ZNF862: variants seen among roughly 807,000 people sequenced by gnomAD.
The protein encoded by ZNF862 is zinc finger protein 862.
In ZNF862, 64 loss-of-function variants were observed where a neutral mutation model predicts 91.1. That is an observed-to-expected ratio of 0.70 (90% confidence interval 0.57 to 0.87). The LOEUF is 0.87. Ranked by LOEUF, ZNF862 falls within the 40% of genes least tolerant of loss-of-function variation. The pLI, the probability that ZNF862 is intolerant of heterozygous loss-of-function variation, is 0.00. For synonymous variants in ZNF862, 631 were observed against 618.1 expected (o/e 1.02, Z -0.31); for missense variants, 1,459 against 1,528.0 (o/e 0.95, Z 0.75).
chr7:149,847,594 T>TA, intron 3 of ZNF862, 141 bp from the exon 4 acceptor site: 1 of 598 alleles, frequency 1.7e-3, no homozygotes, highest in East Asian at 0.5. Context: ...AAAATTCAGG[T>TA]GTGTGTGTGT....
Position 149,861,906 on chromosome 7 carries a change from C to A in ZNF862, c.2746C>A (p.Arg916=), listed in dbSNP as rs753667364. ...GGACAAACTGGAGGTAGCGGAACAG[C>A]GGTTCCAGGCGGATAGGGAGAGGAC... The part of the protein sequence containing the change: ...CLDKLEVAEQ[R]FQADRERTVL... Residue 916 remains arginine (R), a synonymous_variant, in exon 7 of 8, where the codon CGG becomes AGG. Transcript: ENST00000223210. The surrounding 1 kb of genome is among the most constrained non-coding windows in gnomAD (Gnocchi z 6.7). 1 of 1,613,706 alleles carries A rather than the reference C, an allele frequency of 6.2e-7. No homozygotes were observed. Among genetic ancestry groups the A allele is most frequent in the South Asian group, 1.1e-5 (1 of 91,080 alleles).
chr7:149,859,923 C>T (rs1296012094), intron 6 of ZNF862: 1 of 248,336 alleles, frequency 4.0e-6, no homozygotes, highest in African/African-American at 2.3e-5. Flanking sequence ...CTATCTCAAT[C>T]AGTAATTTCT....
intron 2 of ZNF862, among the ~76,000 whole-genome samples, chr7:149,845,501 G>A (rs778333884): frequency 2.0e-4 from 30 of 152,128 alleles, no homozygotes; most frequent in Admixed American, 1.8e-3. Flanking sequence ...TTCCTGTGCC[G>A]GCTAAAAGAG....
At chr7:149,863,480 A>C (rs1802593391) in intron 7 of ZNF862, among the ~76,000 whole-genome samples, 1 of 152,192 alleles carries the variant, frequency 6.6e-6, no homozygotes, top group South Asian at 2.1e-4. Flanking sequence ...GGTGGCCCTG[A>C]AGCCACAGTA....
intron 1 of ZNF862, among the ~76,000 whole-genome samples, chr7:149,843,203 A>G (rs1334401089): frequency 1.3e-5 from 2 of 152,252 alleles, no homozygotes; most frequent in Middle Eastern, 3.2e-3. Context: ...GTGACCGGTA[A>G]GAATGATTGA....
chr7:149,861,457 AG>A lies in ZNF862; in HGVS notation c.2298del (p.Glu766AspfsTer16). 1 of 1,613,502 alleles carries A rather than the reference AG, an allele frequency of 6.2e-7. No homozygotes were observed. Among genetic ancestry groups the A allele is most frequent in the Non-Finnish European group, 8.5e-7 (1 of 1,179,890 alleles). ...CAGTCCTCAAACAAGAGGCTGAACG[AG>A]CTGCAGGAAGGTGCGGCGCCTCTGG... ...FYQSSNKRLN[E>X]LQEGAAPLEQ... On this transcript the variant is annotated frameshift_variant, in exon 7 of 8. Coordinates refer to ENST00000223210, the MANE Select transcript of ZNF862 (RefSeq NM_001099220.3). LOFTEE classifies it high-confidence loss of function. This position sits in a 1 kb window ranked among gnomAD's most constrained non-coding sequence, Gnocchi z 6.7.
chr7:149,848,559 CA>C (rs2128937477), intron 4 of ZNF862, 127 bp downstream of exon 4: 1 of 729,438 alleles, frequency 1.4e-6, no homozygotes, highest in African/African-American at 1.8e-5. Context: ...ATAATGTTGG[CA>C]TATACCAACA....
intron 7 of ZNF862, among the ~76,000 whole-genome samples, chr7:149,863,784 G>A (rs982372178): frequency 1.2e-4 from 19 of 152,320 alleles, no homozygotes; most frequent in Non-Finnish European, 2.8e-4. Flanking sequence ...TGTTCACTGT[G>A]GGAACTTGAG....
intron 3 of ZNF862, 63 bp downstream of exon 3, chr7:149,846,318 G>A: frequency 7.6e-7 from 1 of 1,307,914 alleles, no homozygotes; most frequent in Non-Finnish European, 1.1e-6. Flanking sequence ...GGCAGCCCCA[G>A]GACTCCAGGC....
chr7:149,853,359 T>G (rs1450712786), intron 5 of ZNF862, among the ~76,000 whole-genome samples: 1 of 152,228 alleles, frequency 6.6e-6, no homozygotes, highest in Non-Finnish European at 1.5e-5. Flanking sequence ...TGTGGGTGTG[T>G]GCACGCACTC....
Position 149,860,825 on chromosome 7 carries a change from G to A in ZNF862, c.1665G>A (p.Met555Ile). The change falls in exon 7 of 8, where the codon ATG becomes ATA. Residue 555 changes from methionine to isoleucine, a missense_variant. Physicochemically the swap from Met to Ile is conservative, Grantham distance 10. Transcript: ENST00000223210. ...TCTCCAGCGACCTCATGGCCAACAT[G>A]GAGCACTTTTTCAATGCCGCCTACT... ...PEISSDLMAN[M>I]EHFFNAAYSI... The A allele has an allele frequency of 5.0e-6, 8 of 1,613,726 alleles. No individual in the cohort carries two copies. Among genetic ancestry groups the A allele is most frequent in the Non-Finnish European group, 6.8e-6 (8 of 1,179,888 alleles).
chr7:149,841,761 T>C, intron 1 of ZNF862: 5 of 985,140 alleles, frequency 5.1e-6, no homozygotes, highest in Non-Finnish European at 6.0e-6. Context: ...TCTCTATCTT[T>C]CCTGTACAAG....
Position 149,860,443 on chromosome 7 carries a change from C to T in ZNF862, c.1283C>T (p.Ala428Val), listed in dbSNP as rs200841721. 4.9e-5 allele frequency: 79 copies of T among 1,613,924 alleles called. No homozygotes were observed. The highest frequency in any genetic ancestry group is 6.3e-5 in the Non-Finnish European group (74 of 1,179,850). ...ADTQASAADS[A>V]LLPGSPVEAR... is the part of the protein sequence containing the mutation. ...ACACAGGCCTCGGCTGCAGACTCCG[C>T]GTTGCTTCCAGGCTCTCCCGTGGAG... is the stretch of plus-strand genomic sequence containing the variant. Residue 428 changes from alanine (A) to valine (V), a missense_variant, in exon 7 of 8, where the codon GCG becomes GTG. Physicochemically the swap from Ala to Val is moderately conservative, Grantham distance 64. Transcript: ENST00000223210.
At chr7:149,853,519 C>T (rs563642638) in intron 5 of ZNF862, among the ~76,000 whole-genome samples, 9 of 152,256 alleles carry the variant, frequency 5.9e-5, no homozygotes, top group South Asian at 2.1e-4. Flanking sequence ...CATCAGGGTA[C>T]GGTATTCCTG....
At position 149,865,693 on chromosome 7, in the gene ZNF862, G is replaced by T. The variant is rs1802690636; in HGVS notation, c.*1409G>T. On this transcript the variant is annotated 3_prime_UTR_variant, in exon 8 of 8. Coordinates refer to ENST00000223210, the MANE Select transcript of ZNF862 (RefSeq NM_001099220.3). Reference sequence around the variant, plus strand: ...GAAATGAGGCAAGTCAGCAGGCAGGGTTTCTCTGCCCTGCCTGATACTTGT... The same window carrying T: ...GAAATGAGGCAAGTCAGCAGGCAGGTTTTCTCTGCCCTGCCTGATACTTGT... 6.6e-6 allele frequency: 1 copy of T among 152,224 alleles called. No homozygotes were observed. The highest frequency in any genetic ancestry group is 6.5e-5 in the Admixed American group (1 of 15,290). The allele number at this position is 152,224 out of a possible 1,614,324, so 9.4% of individuals were successfully genotyped here. A position where few individuals can be genotyped will look rare whatever the true frequency, so the allele number is the denominator to read the frequency against.
At chr7:149,859,572 A>T in intron 6 of ZNF862, 46 bp downstream of exon 6, 1 of 1,471,596 alleles carries the variant, frequency 6.8e-7, no homozygotes, top group Non-Finnish European at 9.2e-7. Context: ...GCCAGGGCCC[A>T]GGCGGCTATG....
At chr7:149,854,815 G>T (rs773448334) in intron 5 of ZNF862, among the ~76,000 whole-genome samples, 10 of 152,246 alleles carry the variant, frequency 6.6e-5, no homozygotes, top group Non-Finnish European at 1.0e-4. Flanking sequence ...GTTTGGAATC[G>T]TCACGTGCCC....
chr7:149,846,252 C>T lies in ZNF862; in HGVS notation c.238C>T (p.Pro80Ser). 4.3e-6 allele frequency: 7 copies of T among 1,612,742 alleles called. No homozygotes were observed. The highest frequency in any genetic ancestry group is 5.9e-6 in the Non-Finnish European group (7 of 1,179,182). ...CCAGAGGAGCCTTCTGGAGCATCACCCAGGTGAGTGTGGAACTGCACTCAG... is the reference window on the plus strand; with the variant it reads ...CCAGAGGAGCCTTCTGGAGCATCACTCAGGTGAGTGTGGAACTGCACTCAG... ...QGQRSLLEHH[P>S]GKKQMGYMGE... Residue 80 changes from proline (P) to serine (S), a missense_variant, in exon 3 of 8, where the codon CCA (proline) becomes TCA (serine). Coordinates refer to ENST00000223210, the MANE Select transcript of ZNF862 (RefSeq NM_001099220.3).
chr7:149,859,809 G>A (rs1333204118), intron 6 of ZNF862: 4 of 379,306 alleles, frequency 1.1e-5, no homozygotes, highest in East Asian at 4.5e-5. Flanking sequence ...CACTGGTCTC[G>A]AGGAGCCAGG....
Sources: gnomAD v4.1 joint callset for allele counts (sites outside exome capture counted in the v4.1 genomes callset) on GRCh38, gnomAD v4.1.1 for gene constraint, Gnocchi (gnomAD v3.1) non-coding constraint, MANE v1.5 for transcripts, NCBI Gene and HGNC (gene_info 2026-07-23, HGNC 2026-07-21) for gene names.